Variants in ZNF200 observed in about 807,000 individuals in gnomAD.
The protein encoded by ZNF200 is zinc finger protein 200.
Under a neutral mutation model 33.6 loss-of-function variants are expected in ZNF200, and 35 were observed. The ratio of observed to expected loss-of-function variants is 1.04; its 90% CI spans 0.80 to 1.38. ZNF200 has a LOEUF of 1.38. Ranked by LOEUF, ZNF200 falls within the 40% of genes most tolerant of loss-of-function variation. The probability of loss-of-function intolerance (pLI) is 0.00; values close to 1 mark genes in which losing one functional copy is unlikely to be tolerated. For synonymous variants in ZNF200, 209 were observed against 167.7 expected (o/e 1.25, Z -1.90); for missense variants, 592 against 470.6 (o/e 1.26, Z -2.39).
Position 3,232,560 on chromosome 16 carries a change from G to C in ZNF200, c.340-13C>G, listed in dbSNP as rs777250849. 4.3e-6 allele frequency: 7 copies of C among 1,612,582 alleles called. No homozygotes were observed. The African/African-American group carries it at 8.0e-5, about 18-fold the overall frequency. On this transcript the variant is annotated splice_polypyrimidine_tract_variant and intron_variant, in intron 3 of 4. Coordinates refer to ENST00000414144, the MANE Select transcript of ZNF200 (RefSeq NM_198088.3). ...AGACCACCAGCTCCTGAAAGAGCAA[G>C]AGGCCCCTTTCATCTTAGTAACTGA...
rs1406407989 is a variant in ZNF200, at chr16:3,223,403, A to G, written c.*489T>C. The stretch of plus-strand genomic sequence containing the variant: ...ACTCAAGACTTAAACAGGTATTCTT[A>G]GAGGGTTATATGAATTGCTATCAGA... On this transcript the variant is annotated 3_prime_UTR_variant, in exon 5 of 5. Coordinates refer to ENST00000414144, the MANE Select transcript of ZNF200 (RefSeq NM_198088.3). 1 of 153,388 alleles carries G rather than the reference A, an allele frequency of 6.5e-6. No homozygotes were observed. The highest frequency in any genetic ancestry group is 1.5e-5 in the Non-Finnish European group (1 of 68,904). The allele number at this position is 153,388 out of a possible 1,614,324, so 9.5% of individuals were successfully genotyped here.
intron 4 of ZNF200, chr16:3,227,902 G>A (rs966770160): frequency 3.3e-5 from 5 of 151,814 alleles, no homozygotes; most frequent in African/African-American, 7.3e-5. Flanking sequence ...AGGCTATTTC[G>A]GGACTTTCTG....
chr16:3,224,139 CCA>C lies in ZNF200; in HGVS notation c.939_940del (p.Cys313TrpfsTer14). The C allele has an allele frequency of 6.2e-7, 1 of 1,614,066 alleles. No homozygotes were observed. The highest frequency in any genetic ancestry group is 8.5e-7 in the Non-Finnish European group (1 of 1,180,020). On this transcript the variant is annotated frameshift_variant, in exon 5 of 5. Transcript: ENST00000414144. LOFTEE classifies it high-confidence loss of function. ...ATGAGAATTCTGACGGAAGTTTTTTCCACACTGAGAACAGGAATAAGGTTTCT... is the reference window on the plus strand; with the variant it reads ...ATGAGAATTCTGACGGAAGTTTTTTCCACTGAGAACAGGAATAAGGTTTCT...
chr16:3,232,940 TTA>T lies in ZNF200; in HGVS notation c.251-21_251-20del. ...GGATGCACTGGGGAAAGAGGAAGGTTTAGTTAGTGAAAAACTCAGTGACTCTA... is the reference window on the plus strand; with the variant it reads ...GGATGCACTGGGGAAAGAGGAAGGTTGTTAGTGAAAAACTCAGTGACTCTA... On this transcript the variant is annotated intron_variant, in intron 2 of 4. Transcript: ENST00000414144. The T allele has an allele frequency of 1.2e-6, 2 of 1,610,954 alleles. No homozygotes were observed. The highest frequency in any genetic ancestry group is 4.5e-5 in the East Asian group (2 of 44,848).
intron 4 of ZNF200, among the ~76,000 whole-genome samples, chr16:3,231,452 T>C (rs1007489341): frequency 3.9e-5 from 6 of 152,160 alleles, no homozygotes; most frequent in African/African-American, 1.4e-4. Context: ...TCTGTACAAC[T>C]TCACCCTCAG....
At chr16:3,229,876 G>A (rs1014622747) in intron 4 of ZNF200, among the ~76,000 whole-genome samples, 4 of 148,768 alleles carry the variant, frequency 2.7e-5, no homozygotes, top group African/African-American at 9.8e-5. Flanking sequence ...AAAAAAAAAA[G>A]AAGGAAACTT....
intron 4 of ZNF200, chr16:3,225,355 G>C (rs1958439566): frequency 6.6e-6 from 1 of 152,368 alleles, no homozygotes; most frequent in Non-Finnish European, 1.5e-5. Context: ...TGAGGCAGGA[G>C]AATCACTTGA....
At chr16:3,232,293 A>G in intron 4 of ZNF200, 128 bp downstream of exon 4, 1 of 1,154,450 alleles carries the variant, frequency 8.7e-7, no homozygotes, top group Non-Finnish European at 1.2e-6. Context: ...AATAAAACAA[A>G]AGTAAAATAA....
Position 3,234,439 on chromosome 16 carries a change from G to A in ZNF200, c.-82+548C>T, listed in dbSNP as rs904468249. 4.6e-5 allele frequency among the ~76,000 whole-genome samples: 7 copies of A among 151,500 alleles called. No homozygotes were observed. The South Asian group carries it at 1.5e-3, about 32-fold the overall frequency. ...AAAAGAGAAAGGAAAGAAGGAGGAAGGGAATCAGGGAAGAGAAAGAAAATA... is the reference window on the plus strand; with the variant it reads ...AAAAGAGAAAGGAAAGAAGGAGGAAAGGAATCAGGGAAGAGAAAGAAAATA... On this transcript the variant is annotated intron_variant, in intron 1 of 4. Coordinates refer to ENST00000414144, the MANE Select transcript of ZNF200 (RefSeq NM_198088.3).
At chr16:3,232,943 G>A (rs370267207) in intron 2 of ZNF200, 22 bp from the exon 3 acceptor site, 3 of 1,609,524 alleles carry the variant, frequency 1.9e-6, no homozygotes, top group African/African-American at 2.7e-5. Context: ...GGAAGGTTTA[G>A]TTAGTGAAAA....
In ZNF200 at chr16:3,223,148, C is replaced by CT. The variant is rs1958373731; in HGVS notation, c.*743dup. On this transcript the variant is annotated 3_prime_UTR_variant, in exon 5 of 5. Coordinates refer to ENST00000414144, the MANE Select transcript of ZNF200 (RefSeq NM_198088.3). ...GGCCCTGCCTGAGTAATCCAAACTT[C>CT]TTTTAGCAAGGGAGAAGCATGAGAC... 1.3e-5 allele frequency: 2 copies of CT among 152,224 alleles called. No homozygotes were observed. The highest frequency in any genetic ancestry group is 4.8e-5 in the African/African-American group (2 of 41,434). 9.4% of individuals were successfully genotyped at this position (152,224 alleles called of 1,614,324 possible).
chr16:3,229,465 C>T (rs1280350689), intron 4 of ZNF200, among the ~76,000 whole-genome samples: 1 of 151,816 alleles, frequency 6.6e-6, no homozygotes, highest in Non-Finnish European at 1.5e-5. Flanking sequence ...AAAAATAAAC[C>T]AATTTCCATA....
At chr16:3,233,886 C>T (rs1958717231) in intron 1 of ZNF200, 50 bp from the exon 2 acceptor site, 4 of 1,436,322 alleles carry the variant, frequency 2.8e-6, no homozygotes, top group East Asian at 4.8e-5. Context: ...CACGGCATTA[C>T]TGCACTCCAA....
chr16:3,232,522 T>C lies in ZNF200; in HGVS notation c.365A>G (p.Asn122Ser), dbSNP rs1161148904. ...ACATTCTTCCTGGCAGTGAAATACA[T>C]TCAAATCCTCAAAGACCACCAGCTC... ...PEELVVFEDL[N>S]VFHCQEECVS... Residue 122 changes from asparagine to serine, a missense_variant, in exon 4 of 5, where the codon AAT becomes AGT. Coordinates refer to ENST00000414144, the MANE Select transcript of ZNF200 (RefSeq NM_198088.3). 1.2e-6 allele frequency: 2 copies of C among 1,614,012 alleles called. No individual in the cohort carries two copies. The highest frequency in any genetic ancestry group is 3.3e-5 in the Admixed American group (2 of 60,022).
At chr16:3,230,930 C>T (rs984820040) in intron 4 of ZNF200, among the ~76,000 whole-genome samples, 1 of 152,206 alleles carries the variant, frequency 6.6e-6, no homozygotes, top group African/African-American at 2.4e-5. Context: ...TTTCACACTG[C>T]TTATCGTTTG....
rs143738694 is a variant in ZNF200, at chr16:3,224,737, C to T, written c.467-124G>A. ...CAATCTGGGGAGTGGCGGATACTGC[C>T]GTCGCACTCCTTTTCCATACTTATT... On this transcript the variant is annotated intron_variant, in intron 4 of 4. Coordinates refer to ENST00000414144, the MANE Select transcript of ZNF200 (RefSeq NM_198088.3). 4.8e-5 allele frequency: 59 copies of T among 1,235,468 alleles called. No homozygotes were observed. The African/African-American group carries it at 6.8e-4, about 14-fold the overall frequency. The allele number at this position is 1,235,468 out of a possible 1,614,324, so 76.5% of individuals were successfully genotyped here. A position where few individuals can be genotyped will look rare whatever the true frequency, so the allele number is the denominator to read the frequency against.
At chr16:3,231,597 C>T (rs1209753878) in intron 4 of ZNF200, among the ~76,000 whole-genome samples, 1 of 152,232 alleles carries the variant, frequency 6.6e-6, no homozygotes, top group East Asian at 1.9e-4. Flanking sequence ...AGAGAGGCTG[C>T]TGCTTGATCA....
Position 3,223,332 on chromosome 16 carries a change from C to T in ZNF200, c.*560G>A, listed in dbSNP as rs117320716. On this transcript the variant is annotated 3_prime_UTR_variant, in exon 5 of 5. Transcript: ENST00000414144. ...AGATCACATACAAATGAGAGTCTGACATTCAACTGTTTTCCTATATTCCAA... is the reference window on the plus strand; with the variant it reads ...AGATCACATACAAATGAGAGTCTGATATTCAACTGTTTTCCTATATTCCAA... 7.8e-3 allele frequency: 1,183 copies of T among 152,428 alleles called. 16 individuals carry two copies. The highest frequency in any genetic ancestry group is 0.054 in the South Asian group (261 of 4,836). The allele number at this position is 152,428 out of a possible 1,614,324, so 9.4% of individuals were successfully genotyped here.
At chr16:3,233,959 T>A in intron 1 of ZNF200, 123 bp from the exon 2 acceptor site, 1 of 661,204 alleles carries the variant, frequency 1.5e-6, no homozygotes, top group Non-Finnish European at 2.4e-6. Context: ...GATAGGGAAA[T>A]CATAACTGAA....
Sources: allele counts gnomAD v4.1 joint callset (sites outside exome capture counted in the v4.1 genomes callset), GRCh38; gene constraint gnomAD v4.1.1; transcripts MANE v1.5; gene names NCBI Gene and HGNC (gene_info 2026-07-23, HGNC 2026-07-21).